Variants in VASH1 observed in about 807,000 individuals in gnomAD.
VASH1 encodes vasohibin 1.
In VASH1, 16 loss-of-function variants were observed where a neutral mutation model predicts 35.0. The ratio of observed to expected loss-of-function variants is 0.46; its 90% confidence interval spans 0.31 to 0.70. VASH1 has a LOEUF of 0.70. Among genes scored for constraint, VASH1 ranks in the 30% least tolerant of loss-of-function variants. VASH1 has a pLI of 0.05. For missense variants in VASH1, 505 were observed against 510.7 expected (o/e 0.99, Z 0.11); for synonymous variants, 214 against 200.9 (o/e 1.07, Z -0.55).
chr14:76,768,799 C>A (rs192514165), intron 1 of VASH1, among the ~76,000 whole-genome samples: 1 of 150,614 alleles, frequency 6.6e-6, no homozygotes, highest in Admixed American at 6.6e-5. Flanking sequence ...GCAGTCCCAT[C>A]GGGTGGGTGG....
Position 76,779,554 on chromosome 14 carries a change from C to G in VASH1, c.*536C>G, listed in dbSNP as rs1360466400. On this transcript the variant is annotated 3_prime_UTR_variant, in exon 7 of 7. Transcript: ENST00000167106. The stretch of plus-strand genomic sequence containing the variant: ...GGGTAGGAGTCCTTCTGAGAAAGGT[C>G]TGTGTAGCCCATTAACCAGGAGCTT... 1 of 676,322 alleles carries G rather than the reference C, an allele frequency of 1.5e-6. No individual in the cohort carries two copies. Among genetic ancestry groups the G allele is most frequent in the Non-Finnish European group, 2.7e-6 (1 of 371,834 alleles). The allele number at this position is 676,322 out of a possible 1,614,324, so 41.9% of individuals were successfully genotyped here. A position where few individuals can be genotyped will look rare whatever the true frequency, so the allele number is the denominator to read the frequency against.
rs777443559 is a variant in VASH1 at position 76,778,923 on chromosome 14, G to C, written c.1026-23G>C. The stretch of plus-strand genomic sequence containing the variant: ...CTAACAGACCACTCACTCTCCTCCC[G>C]CTCTGCTCTCTTCCTCCCACAGGCC... On this transcript the variant is annotated intron_variant, in intron 6 of 6. Coordinates refer to ENST00000167106, the MANE Select transcript of VASH1 (RefSeq NM_014909.5). 1.8e-5 allele frequency: 29 copies of C among 1,613,194 alleles called. 1 individual carries two copies. The East Asian group carries it at 2.9e-4, about 16-fold the overall frequency.
intron 1 of VASH1, among the ~76,000 whole-genome samples, chr14:76,763,690 C>G (rs970814401): frequency 2.0e-5 from 3 of 151,906 alleles, no homozygotes; most frequent in African/African-American, 4.8e-5. Context: ...AGGAGAAGGG[C>G]GGGGGGTGGT....
intron 5 of VASH1, 137 bp from the exon 6 acceptor site, chr14:76,777,822 C>A: frequency 1.9e-6 from 1 of 539,614 alleles, no homozygotes; most frequent in Non-Finnish European, 3.0e-6. Context: ...GGGAAAGATC[C>A]AGACAGGGAA....
intron 1 of VASH1, among the ~76,000 whole-genome samples, chr14:76,769,726 C>T (rs1893739477): frequency 6.6e-6 from 1 of 152,216 alleles, no homozygotes; most frequent in Non-Finnish European, 1.5e-5. Context: ...GGAACATCAG[C>T]ATACACTCTG....
At chr14:76,767,283 T>A (rs1021001362) in intron 1 of VASH1, among the ~76,000 whole-genome samples, 2 of 151,000 alleles carry the variant, frequency 1.3e-5, no homozygotes, top group Non-Finnish European at 2.9e-5. Context: ...AATAAATAAA[T>A]AAAAAGTCAC....
Position 76,782,346 on chromosome 14 carries a change from A to G in VASH1, c.*3328A>G, listed in dbSNP as rs1449234626. ...GGTTTGGGGAGCAGAGAGAGCCAAG[A>G]AGTTGACCACGTGTGATTTCCAGCC... On this transcript the variant is annotated 3_prime_UTR_variant, in exon 7 of 7. Transcript: ENST00000167106. 6.6e-6 allele frequency: 1 copy of G among 152,272 alleles called. No individual in the cohort carries two copies. The highest frequency in any genetic ancestry group is 1.5e-5 in the Non-Finnish European group (1 of 68,098). 9.4% of individuals were successfully genotyped at this position (152,272 alleles called of 1,614,324 possible).
chr14:76,766,345 G>A (rs531347649), intron 1 of VASH1, among the ~76,000 whole-genome samples: 1 of 152,212 alleles, frequency 6.6e-6, no homozygotes, highest in South Asian at 2.1e-4. Flanking sequence ...AGCTGCTGAA[G>A]GTCTTTTATG....
At chr14:76,776,812 C>G (rs1893958582) in intron 5 of VASH1, among the ~76,000 whole-genome samples, 1 of 152,162 alleles carries the variant, frequency 6.6e-6, no homozygotes, top group Non-Finnish European at 1.5e-5. Context: ...AGGCAGAATT[C>G]TGACATCTGC....
rs116479127 is a variant in VASH1, at chr14:76,778,506, C to G, written c.1025+435C>G. On this transcript the variant is annotated intron_variant, in intron 6 of 6. Coordinates refer to ENST00000167106, the MANE Select transcript of VASH1 (RefSeq NM_014909.5). ...AGCTCTCCTCCTCTGATTTCAGCTC[C>G]TACACATCACTCTGACTCTTGCTTT... 9.0e-3 allele frequency among the ~76,000 whole-genome samples: 1,368 copies of G among 152,278 alleles called. 28 individuals are homozygous for G. The highest frequency in any genetic ancestry group is 0.031 in the African/African-American group (1,285 of 41,544).
rs1162550307 is a variant in VASH1 at position 76,762,930 on chromosome 14, A to C, written c.109A>C (p.Thr37Pro). Residue 37 changes from threonine (T) to proline (P), a missense_variant, in exon 1 of 7, where the codon ACC (threonine) becomes CCC (proline). By Grantham distance (38) the Thr-to-Pro change is conservative. Transcript: ENST00000167106. ...CAGGCGTTTGGAGACCAGCGAAGGA[A>C]CCTCAGCCCAGAGAGATGAGGAGCC... ...GVRRLETSEGTSAQRDEEPEE... is the reference protein window; with the variant it reads ...GVRRLETSEGPSAQRDEEPEE... The C allele has an allele frequency of 6.4e-7, 1 of 1,570,974 alleles. No individual in the cohort carries two copies. Among genetic ancestry groups the C allele is most frequent in the Non-Finnish European group, 8.6e-7 (1 of 1,159,086 alleles).
At position 76,776,031 on chromosome 14, in the gene VASH1, G is replaced by A. The variant is rs1334183120; in HGVS notation, c.670G>A (p.Glu224Lys). ...CGGTGCGCTGGGCATGAGTCGGCGC[G>A]AGGACCTGATGTACAAGCCGCCCGC... ...RYGALGMSRR[E>K]DLMYKPPAFR... The change falls in exon 5 of 7, where the codon GAG becomes AAG. Residue 224 changes from glutamate to lysine, a missense_variant. Glu to Lys is a moderately conservative substitution (Grantham distance 56). Coordinates refer to ENST00000167106, the MANE Select transcript of VASH1 (RefSeq NM_014909.5). 4 of 1,612,232 alleles carry A rather than the reference G, an allele frequency of 2.5e-6. No individual in the cohort carries two copies. Among genetic ancestry groups the A allele is most frequent in the South Asian group, 1.1e-5 (1 of 90,900 alleles).
Position 76,762,729 on chromosome 14 carries a change from C to T in VASH1, c.-93C>T. The T allele has an allele frequency of 8.3e-7, 1 of 1,197,680 alleles. No individual in the cohort carries two copies. The highest frequency in any genetic ancestry group is 1.5e-5 in the African/African-American group (1 of 64,786). The allele number at this position is 1,197,680 out of a possible 1,614,324, so 74.2% of individuals were successfully genotyped here. ...TGATTTCTTAAAGGCGCCTTGCACT[C>T]TGGCCATGTGTTATCTCTGCAGCCG... On this transcript the variant is annotated 5_prime_UTR_variant, in exon 1 of 7. Coordinates refer to ENST00000167106, the MANE Select transcript of VASH1 (RefSeq NM_014909.5).
chr14:76,781,278 C>A lies in VASH1; in HGVS notation c.*2260C>A, dbSNP rs943234122. 1 of 152,280 alleles carries A rather than the reference C, an allele frequency of 6.6e-6. No individual in the cohort carries two copies. The highest frequency in any genetic ancestry group is 2.4e-5 in the African/African-American group (1 of 41,448). 9.4% of individuals were successfully genotyped at this position (152,280 alleles called of 1,614,324 possible). On this transcript the variant is annotated 3_prime_UTR_variant, in exon 7 of 7. Transcript: ENST00000167106. ...AATGAGCCCTGGGAGGATGCCTAAC[C>A]TAACTCCAGCCAGACTAATAGGGGC...
Position 76,762,734 on chromosome 14 carries a change from C to T in VASH1, c.-88C>T. 5.6e-6 allele frequency: 7 copies of T among 1,247,022 alleles called. No homozygotes were observed. Among genetic ancestry groups the T allele is most frequent in the Non-Finnish European group, 7.5e-6 (7 of 933,006 alleles). 77.2% of individuals were successfully genotyped at this position (1,247,022 alleles called of 1,614,324 possible). On this transcript the variant is annotated 5_prime_UTR_variant, in exon 1 of 7. Coordinates refer to ENST00000167106, the MANE Select transcript of VASH1 (RefSeq NM_014909.5). ...TCTTAAAGGCGCCTTGCACTCTGGC[C>T]ATGTGTTATCTCTGCAGCCGGTGTG...
intron 1 of VASH1, 160 bp from the exon 2 acceptor site, chr14:76,769,803 C>A: frequency 1.3e-6 from 1 of 758,280 alleles, no homozygotes; most frequent in Non-Finnish European, 2.2e-6. Flanking sequence ...CAAGAGTCTT[C>A]GAATGAGTGG....
rs1399117784 is a variant in VASH1, at chr14:76,773,231, G to T, written c.530+20G>T. 1.9e-6 allele frequency: 3 copies of T among 1,613,500 alleles called. No homozygotes were observed. The highest frequency in any genetic ancestry group is 2.5e-6 in the Non-Finnish European group (3 of 1,179,688). On this transcript the variant is annotated intron_variant, in intron 4 of 6. Transcript: ENST00000167106. ...GGGAATGTATCCTTCCTCACCTGAA[G>T]GGGAGGGGTCCGGGCTTCTCTGGGC...
At chr14:76,770,147 A>G in intron 2 of VASH1, 96 bp downstream of exon 2, 1 of 1,167,994 alleles carries the variant, frequency 8.6e-7, no homozygotes, top group Non-Finnish European at 1.2e-6. Context: ...GAGCCGCCTC[A>G]TTCCACAACG....
intron 4 of VASH1, chr14:76,773,467 G>A (rs1475680918): frequency 1.9e-6 from 1 of 523,896 alleles, no homozygotes; most frequent in Non-Finnish European, 3.4e-6. Context: ...TGAGTCACGT[G>A]GATACAGGGA....
Sources: gnomAD v4.1 joint callset for allele counts (sites outside exome capture counted in the v4.1 genomes callset) on GRCh38, gnomAD v4.1.1 for gene constraint, MANE v1.5 for transcripts, NCBI Gene and HGNC (gene_info 2026-07-23, HGNC 2026-07-21) for gene names.